The following SGCD variants were observed in gnomAD, a reference collection of about 807,000 sequenced individuals.
SGCD encodes the protein delta-sarcoglycan.
Under a neutral mutation model 36.6 loss-of-function variants are expected in SGCD, and 18 were observed. That is an observed-to-expected ratio of 0.49 (90% CI 0.34 to 0.73). The LOEUF (loss-of-function observed/expected upper bound fraction) is 0.73. SGCD is among the 30% of genes least tolerant of loss of function. The pLI, the probability that SGCD is intolerant of heterozygous loss-of-function variation, is 0.01. For synonymous variants in SGCD, 133 were observed against 130.6 expected, an observed-to-expected ratio of 1.02 and a Z score of -0.12; for missense variants, 387 against 346.7, an observed-to-expected ratio of 1.12 and a Z score of -0.92.
In SGCD at chr5:156,393,406, C is replaced by T. The variant is rs1052830681; in HGVS notation, c.192+48729C>T. On this transcript the variant is annotated intron_variant, in intron 3 of 8. Transcript: ENST00000337851. ...TACCAATAAGTCAGTTGTTAAACAG[C>T]TATTATTAAAATTAAATCATTTATA... 1.4e-4 allele frequency among the ~76,000 whole-genome samples: 21 copies of T among 152,100 alleles called. 1 individual carries two copies. The highest frequency in any genetic ancestry group is 7.2e-4 in the Admixed American group (11 of 15,258).
intron 7 of SGCD, among the ~76,000 whole-genome samples, chr5:156,751,858 G>A (rs561901446): frequency 6.6e-6 from 1 of 152,330 alleles, no homozygotes; most frequent in South Asian, 2.1e-4. Flanking sequence ...ACTTTGGAAA[G>A]CTATTTGCCA....
intron 3 of SGCD, among the ~76,000 whole-genome samples, chr5:156,179,057 G>T (rs1763541316): frequency 6.6e-6 from 1 of 152,108 alleles, no homozygotes; most frequent in African/African-American, 2.4e-5. Context: ...AATGACTGTT[G>T]ACATGTGACT....
At chr5:156,257,589 C>G (rs186633204) in intron 3 of SGCD, among the ~76,000 whole-genome samples, 1 of 152,138 alleles carries the variant, frequency 6.6e-6, no homozygotes, top group South Asian at 2.1e-4. Context: ...TTGGGTCGGG[C>G]GCGGTGGCTC....
chr5:156,371,142 G>A (rs1770365428), intron 3 of SGCD, among the ~76,000 whole-genome samples: 1 of 152,084 alleles, frequency 6.6e-6, no homozygotes, highest in African/African-American at 2.4e-5. Flanking sequence ...GCTAAATATA[G>A]AGAACAATAC....
Position 156,642,461 on chromosome 5 carries a change from CTTT to C in SGCD, c.503-4981_503-4979del, listed in dbSNP as rs58501471. 1.1e-3 allele frequency among the ~76,000 whole-genome samples: 92 copies of C among 80,036 alleles called. 1 individual carries two copies. Among genetic ancestry groups the C allele is most frequent in the Non-Finnish European group, 1.5e-3 (69 of 45,172 alleles). The allele number at this position is 80,036 out of a possible 152,430, so 52.5% of individuals were successfully genotyped here. On this transcript the variant is annotated intron_variant, in intron 6 of 8. Coordinates refer to ENST00000337851, the MANE Select transcript of SGCD (RefSeq NM_000337.6). The stretch of plus-strand genomic sequence containing the variant: ...CTAAGAATGGCCTAGCAGCATCAGT[CTTT>C]TTTTTTTTTTTTTTTTTTTTTCCAA...
At chr5:155,972,206 T>C (rs555575648) in intron 1 of SGCD, among the ~76,000 whole-genome samples, 1 of 152,164 alleles carries the variant, frequency 6.6e-6, no homozygotes, top group South Asian at 2.1e-4. Flanking sequence ...TGTCGAAAAG[T>C]CAAACAGTAC....
intron 3 of SGCD, among the ~76,000 whole-genome samples, chr5:156,421,624 C>T (rs1773314127): frequency 6.6e-6 from 1 of 151,782 alleles, no homozygotes; most frequent in Non-Finnish European, 1.5e-5. Context: ...AATGGGTGAC[C>T]CCGTGAGCAG....
chr5:156,040,239 G>T (rs896886762), intron 1 of SGCD, among the ~76,000 whole-genome samples: 2 of 152,302 alleles, frequency 1.3e-5, no homozygotes, highest in East Asian at 1.9e-4. Flanking sequence ...TATGGGAATT[G>T]TATGTAGCAC....
chr5:156,385,886 T>C (rs759506551), intron 3 of SGCD, among the ~76,000 whole-genome samples: 6 of 152,216 alleles, frequency 3.9e-5, no homozygotes, highest in African/African-American at 7.2e-5. Flanking sequence ...TTGCCCAAAC[T>C]ACCCTCACAG....
intron 1 of SGCD, among the ~76,000 whole-genome samples, chr5:155,963,073 T>C (rs1581014581): frequency 6.6e-6 from 1 of 152,214 alleles, no homozygotes; most frequent in East Asian, 1.9e-4. Context: ...TTTCCAATAA[T>C]CAATGCTAAT....
chr5:156,726,052 T>C (rs1755758210), intron 7 of SGCD, among the ~76,000 whole-genome samples: 1 of 152,238 alleles, frequency 6.6e-6, no homozygotes, highest in Non-Finnish European at 1.5e-5. Flanking sequence ...TTCTCAATTG[T>C]ATTTATGTCA....
At chr5:155,729,340 T>C in the SGCD span, among the ~76,000 whole-genome samples, 2 of 152,358 alleles carry the variant, frequency 1.3e-5, no homozygotes, top group Non-Finnish European at 2.9e-5. Context: ...TAAGAGATCG[T>C]GGGCAGACCT....
chr5:156,650,116 T>G (rs980581076), intron 7 of SGCD, among the ~76,000 whole-genome samples: 7 of 152,148 alleles, frequency 4.6e-5, no homozygotes, highest in African/African-American at 1.7e-4. Context: ...GCAGAGTATT[T>G]GCACATGTTA....
At chr5:155,789,793 G>T in the SGCD span, among the ~76,000 whole-genome samples, 9 of 152,062 alleles carry the variant, frequency 5.9e-5, no homozygotes, top group African/African-American at 2.2e-4. Context: ...CCATTTCATA[G>T]ATAAGAATTC....
chr5:156,242,713 G>A (rs1765335179), intron 3 of SGCD, among the ~76,000 whole-genome samples: 1 of 152,160 alleles, frequency 6.6e-6, no homozygotes, highest in African/African-American at 2.4e-5. Flanking sequence ...CATCAAGAGG[G>A]CACCCTTGTA....
chr5:156,586,467 C>T (rs1760499933), intron 4 of SGCD, among the ~76,000 whole-genome samples: 1 of 152,150 alleles, frequency 6.6e-6, no homozygotes, highest in Non-Finnish European at 1.5e-5. Context: ...ATACGGTGCT[C>T]TTTGAAATGA....
intron 6 of SGCD, among the ~76,000 whole-genome samples, chr5:156,644,890 G>T (rs1251737793): frequency 6.6e-6 from 1 of 151,360 alleles, no homozygotes; most frequent in Non-Finnish European, 1.5e-5. Flanking sequence ...GGAGAAGCTG[G>T]TTTTTTATTA....
intron 2 of SGCD, among the ~76,000 whole-genome samples, chr5:156,330,626 G>C (rs1197483295): frequency 6.6e-6 from 1 of 152,078 alleles, no homozygotes; most frequent in Non-Finnish European, 1.5e-5. Flanking sequence ...ACATATTTCA[G>C]TGAGCCTTCT....
At chr5:155,804,990 G>A in the SGCD span, among the ~76,000 whole-genome samples, 3 of 152,162 alleles carry the variant, frequency 2.0e-5, no homozygotes, top group Admixed American at 6.5e-5. Context: ...GCCACATGTG[G>A]CTTTTGAGCT....
Sources: gnomAD v4.1 joint callset for allele counts (sites outside exome capture counted in the v4.1 genomes callset) on GRCh38, gnomAD v4.1.1 for gene constraint, MANE v1.5 for transcripts, NCBI Gene and HGNC (gene_info 2026-07-23, HGNC 2026-07-21) for gene names.